Variants in ARHGAP6 observed in about 807,000 individuals in gnomAD.
The protein encoded by ARHGAP6 is rho GTPase-activating protein 6.
ARHGAP6 carries 16 observed loss-of-function variants against 55.7 expected under a neutral mutation model. That is an observed-to-expected ratio of 0.29 (90% CI 0.19 to 0.44). The LOEUF (loss-of-function observed/expected upper bound fraction) is 0.44. Ranked by LOEUF, ARHGAP6 falls within the 20% of genes least tolerant of loss-of-function variation. The pLI is 1.00. For synonymous variants in ARHGAP6, 382 were observed against 360.9 expected, an observed-to-expected ratio of 1.06 and a Z score of -0.66; for missense variants, 698 against 808.9, an observed-to-expected ratio of 0.86 and a Z score of 1.66.
At chrX:11,469,516 T>G (rs1287455308) in intron 1 of ARHGAP6, among the ~76,000 whole-genome samples, 1 of 110,593 alleles carries the variant, frequency 9.0e-6, no homozygotes, top group Non-Finnish European at 1.9e-5. Context: ...TCCTGAGGAG[T>G]CTTTTACTTG....
At chrX:11,238,527 A>G (rs960685883) in intron 2 of ARHGAP6, among the ~76,000 whole-genome samples, 1 of 112,244 alleles carries the variant, frequency 8.9e-6, no homozygotes, top group Admixed American at 9.4e-5. Flanking sequence ...AGAGGACTAA[A>G]CATGGTGGAT....
intron 1 of ARHGAP6, among the ~76,000 whole-genome samples, chrX:11,366,525 G>A: frequency 8.9e-6 from 1 of 112,010 alleles, no homozygotes; most frequent in East Asian, 2.8e-4. Context: ...TCATGAAGGA[G>A]CAGAAGCCAT....
At chrX:11,523,642 G>A (rs907820695) in intron 1 of ARHGAP6, among the ~76,000 whole-genome samples, 11 of 111,718 alleles carry the variant, frequency 9.8e-5, no homozygotes, top group Admixed American at 9.6e-4. Context: ...TATGGAGTCT[G>A]CATCTCTTAC....
At chrX:11,518,143 C>CTCT (rs1458287712) in intron 1 of ARHGAP6, among the ~76,000 whole-genome samples, 2 of 110,665 alleles carry the variant, frequency 1.8e-5, no homozygotes, top group African/African-American at 6.6e-5. Flanking sequence ...ATTTTCTTTT[C>CTCT]TTTCTTTTCT....
chrX:11,476,605 AAGAC>A (rs2147833243), intron 1 of ARHGAP6, among the ~76,000 whole-genome samples: 1 of 111,284 alleles, frequency 9.0e-6, no homozygotes, highest in South Asian at 3.7e-4. Flanking sequence ...TGTACAGTGA[AAGAC>A]AGGATGATAA....
chrX:11,373,409 A>G (rs1462919339), intron 1 of ARHGAP6, among the ~76,000 whole-genome samples: 1 of 111,692 alleles, frequency 9.0e-6, no homozygotes, highest in Non-Finnish European at 1.9e-5. Flanking sequence ...AGAGAGAGAA[A>G]AAAGCAAATG....
chrX:11,504,470 C>T (rs2050712390), intron 1 of ARHGAP6, among the ~76,000 whole-genome samples: 1 of 111,662 alleles, frequency 9.0e-6, no homozygotes, highest in Admixed American at 9.6e-5. Flanking sequence ...GCCAAATGCC[C>T]TCTGGTGGAT....
chrX:11,155,037 G>T (rs977567065), intron 10 of ARHGAP6, among the ~76,000 whole-genome samples: 2 of 111,819 alleles, frequency 1.8e-5, no homozygotes, highest in Non-Finnish European at 3.8e-5. Context: ...CAATTAAAAG[G>T]TCTTCCCTGC....
At chrX:11,294,927 G>T (rs1192558734) in intron 1 of ARHGAP6, 22 of 985,588 alleles carry the variant, frequency 2.2e-5, no homozygotes, top group Non-Finnish European at 2.9e-5. Context: ...TGAAATTAGG[G>T]TTTAAAACAG....
intron 1 of ARHGAP6, chrX:11,265,777 T>C (rs2047614465): frequency 1.1e-6 from 1 of 929,955 alleles, no homozygotes; most frequent in African/African-American, 2.1e-5. Context: ...TTAAAAAAAT[T>C]ATTTTTTTGG....
At chrX:11,661,026 G>A (rs1046200825) in intron 1 of ARHGAP6, among the ~76,000 whole-genome samples, 1 of 111,724 alleles carries the variant, frequency 9.0e-6, no homozygotes. Flanking sequence ...ACAGAAATGC[G>A]TATGCTCAAG....
In ARHGAP6 at chrX:11,335,883, G is replaced by A. The variant is rs998271177; in HGVS notation, c.589-81176C>T. ...GTGGCAGCGATCCCCTAGAGGACACGGCTGGAGTGGAGCAGGGCCGGGTCA... is the reference window on the plus strand; with the variant it reads ...GTGGCAGCGATCCCCTAGAGGACACAGCTGGAGTGGAGCAGGGCCGGGTCA... On this transcript the variant is annotated intron_variant, in intron 1 of 12. Coordinates refer to ENST00000337414, the MANE Select transcript of ARHGAP6 (RefSeq NM_013427.3). 12 of 181,997 alleles carry A rather than the reference G, an allele frequency of 6.6e-5. No homozygotes were observed. The East Asian group carries it at 1.2e-3, about 18-fold the overall frequency. The allele number at this position is 181,997 out of a possible 1,213,427, so 15.0% of individuals were successfully genotyped here.
At chrX:11,433,102 C>T (rs758629586) in intron 1 of ARHGAP6, among the ~76,000 whole-genome samples, 4 of 112,060 alleles carry the variant, frequency 3.6e-5, no homozygotes, top group Admixed American at 2.8e-4. Flanking sequence ...GGGCTGAAGA[C>T]CAGTGAAGGA....
intron 1 of ARHGAP6, among the ~76,000 whole-genome samples, chrX:11,326,100 G>T (rs1401252536): frequency 9.5e-6 from 1 of 105,185 alleles, no homozygotes; most frequent in Non-Finnish European, 1.9e-5. Context: ...TTTTACCAAA[G>T]GAATTTTTCT....
At chrX:11,559,146 C>T (rs1485083950) in intron 1 of ARHGAP6, among the ~76,000 whole-genome samples, 1 of 108,871 alleles carries the variant, frequency 9.2e-6, no homozygotes, top group Non-Finnish European at 1.9e-5. Context: ...GGTCATGGCC[C>T]CCTGGTGGCT....
chrX:11,481,463 G>A (rs762365391), intron 1 of ARHGAP6, among the ~76,000 whole-genome samples: 1 of 112,740 alleles, frequency 8.9e-6, no homozygotes, highest in Non-Finnish European at 1.9e-5. Context: ...CCAAGTTGTG[G>A]TGCCACGGTG....
chrX:11,195,959 CAAAAA>C (rs1024986729), intron 3 of ARHGAP6, among the ~76,000 whole-genome samples: 3 of 8,412 alleles, frequency 3.6e-4, no homozygotes, highest in African/African-American at 6.0e-4. Flanking sequence ...ACTAAAAATA[CAAAAA>C]AAAAAAAAAA....
chrX:11,464,452 T>C (rs2050274497), intron 1 of ARHGAP6, among the ~76,000 whole-genome samples: 1 of 111,624 alleles, frequency 9.0e-6, no homozygotes, highest in African/African-American at 3.3e-5. Flanking sequence ...AAGAAAAAAG[T>C]ATCCTAACAC....
At chrX:11,632,226 T>C (rs766669914) in intron 1 of ARHGAP6, among the ~76,000 whole-genome samples, 2 of 112,766 alleles carry the variant, frequency 1.8e-5, no homozygotes, top group South Asian at 3.6e-4. Context: ...CTACATTTTC[T>C]AGCAAAGACA....
Sources: allele counts gnomAD v4.1 joint callset (sites outside exome capture counted in the v4.1 genomes callset), GRCh38; gene constraint gnomAD v4.1.1; transcripts MANE v1.5; gene names NCBI Gene and HGNC (gene_info 2026-07-23, HGNC 2026-07-21).